The following ADAMTSL1 variants were observed in gnomAD, a reference collection of about 807,000 sequenced individuals.
ADAMTSL1 encodes ADAMTS like 1.
A neutral mutation model predicts 201.8 loss-of-function variants in ADAMTSL1; 126 were observed. That is an observed-to-expected ratio of 0.62 (90% CI 0.54 to 0.72). The LOEUF (loss-of-function observed/expected upper bound fraction) is 0.72. Ranked by LOEUF, ADAMTSL1 falls within the 30% of genes least tolerant of loss-of-function variation. The probability of loss-of-function intolerance (pLI) is 0.00; values close to 1 mark genes in which losing one functional copy is unlikely to be tolerated. For synonymous variants in ADAMTSL1, 1,121 were observed against 903.4 expected (o/e 1.24, Z -4.32); for missense variants, 2,679 against 2,277.8 (o/e 1.18, Z -3.59).
At chr9:18,134,140 C>T (rs1587128874) in intron 1 of ADAMTSL1, among the ~76,000 whole-genome samples, 3 of 152,280 alleles carry the variant, frequency 2.0e-5, no homozygotes, top group Admixed American at 2.0e-4. Context: ...CAGTGCAATT[C>T]TGGTCATTTA....
chr9:18,370,928 T>A (rs529210122), intron 2 of ADAMTSL1, among the ~76,000 whole-genome samples: 6 of 152,156 alleles, frequency 3.9e-5, no homozygotes, highest in Non-Finnish European at 8.8e-5. Flanking sequence ...CTAGATGTAG[T>A]CATTTTAAAT....
chr9:18,251,048 C>G (rs1011956393), intron 2 of ADAMTSL1, among the ~76,000 whole-genome samples: 3 of 151,942 alleles, frequency 2.0e-5, no homozygotes, highest in African/African-American at 7.3e-5. Flanking sequence ...AGAAACAGCA[C>G]AGAACTGTCA....
intron 19 of ADAMTSL1, among the ~76,000 whole-genome samples, chr9:18,787,351 A>G (rs949128553): frequency 6.6e-6 from 1 of 152,194 alleles, no homozygotes; most frequent in Non-Finnish European, 1.5e-5. Context: ...GCAGGTGAAG[A>G]GCACTGGAGG....
intron 23 of ADAMTSL1, among the ~76,000 whole-genome samples, chr9:18,843,101 C>A (rs576765435): frequency 6.6e-6 from 1 of 151,052 alleles, no homozygotes; most frequent in Admixed American, 6.6e-5. Flanking sequence ...TTATTTTGCT[C>A]GTTAGTTGAT....
intron 2 of ADAMTSL1, among the ~76,000 whole-genome samples, chr9:18,450,681 T>A (rs2131669401): frequency 6.6e-6 from 1 of 151,968 alleles, no homozygotes; most frequent in South Asian, 2.1e-4. Flanking sequence ...AGTAAGTTAA[T>A]CCCCTTTACC....
intron 3 of ADAMTSL1, among the ~76,000 whole-genome samples, chr9:18,568,484 G>T (rs1299940833): frequency 6.6e-6 from 1 of 152,086 alleles, no homozygotes. Context: ...ATATTTTGAG[G>T]GTAAAACAAC....
intron 2 of ADAMTSL1, among the ~76,000 whole-genome samples, chr9:18,202,385 A>C (rs977117341): frequency 8.5e-5 from 13 of 152,368 alleles, no homozygotes; most frequent in Admixed American, 2.6e-4. Context: ...TTCAGACAGT[A>C]GTTAATGTTC....
chr9:18,899,141 T>C (rs549990244), intron 26 of ADAMTSL1, among the ~76,000 whole-genome samples: 5 of 152,266 alleles, frequency 3.3e-5, no homozygotes, highest in Admixed American at 3.3e-4. Context: ...CTGGCATTCC[T>C]ATACACCAAC....
intron 3 of ADAMTSL1, among the ~76,000 whole-genome samples, chr9:18,540,175 G>T (rs550682584): frequency 1.7e-4 from 26 of 152,260 alleles, no homozygotes; most frequent in Non-Finnish European, 3.1e-4. Context: ...GATTTACCAG[G>T]TCTCAGGCAC....
intron 23 of ADAMTSL1, among the ~76,000 whole-genome samples, chr9:18,880,025 C>G (rs1828430155): frequency 6.6e-6 from 1 of 152,200 alleles, no homozygotes; most frequent in Non-Finnish European, 1.5e-5. Flanking sequence ...CTTTGCTCAT[C>G]CGTAAAAAGC....
rs112143420 is a variant in ADAMTSL1, at chr9:18,352,578, T to C, written c.208-152251T>C. On this transcript the variant is annotated intron_variant, in intron 2 of 29. Coordinates refer to the ADAMTSL1 transcript ENST00000680146. ...AATTTCCTTTCTATCCCAGTGTTAA[T>C]GATAATTGTATGTGTATGTGTTCAT... is the stretch of plus-strand genomic sequence containing the variant. 7.9e-5 allele frequency among the ~76,000 whole-genome samples: 12 copies of C among 152,308 alleles called. 1 individual carries two copies. The highest frequency in any genetic ancestry group is 2.6e-4 in the African/African-American group (11 of 41,570).
chr9:18,584,385 G>A (rs938656294), intron 4 of ADAMTSL1, among the ~76,000 whole-genome samples: 2 of 151,982 alleles, frequency 1.3e-5, no homozygotes, highest in Non-Finnish European at 2.9e-5. Flanking sequence ...CAGCCACATG[G>A]AACTGTAAGT....
In ADAMTSL1 at chr9:18,910,806, T is replaced by G. The variant is rs1394103654; in HGVS notation, c.*2258T>G. 6.6e-6 allele frequency: 1 copy of G among 152,172 alleles called. No individual in the cohort carries two copies. Among genetic ancestry groups the G allele is most frequent in the African/African-American group, 2.4e-5 (1 of 41,440 alleles). The allele number at this position is 152,172 out of a possible 1,614,324, so 9.4% of individuals were successfully genotyped here. A position where few individuals can be genotyped will look rare whatever the true frequency, so the allele number is the denominator to read the frequency against. On this transcript the variant is annotated 3_prime_UTR_variant, in exon 29 of 29. Transcript: ENST00000380548. ...CTCGTTGCATGAAATGAATGTACATTTAATGTTTGTTCTGTGAATTGCAAC... is the reference window on the plus strand; with the variant it reads ...CTCGTTGCATGAAATGAATGTACATGTAATGTTTGTTCTGTGAATTGCAAC...
intron 4 of ADAMTSL1, among the ~76,000 whole-genome samples, chr9:18,608,889 T>C (rs1011536193): frequency 2.0e-5 from 3 of 151,560 alleles, no homozygotes; most frequent in African/African-American, 7.3e-5. Context: ...ACTGATTTGC[T>C]TTTGGCTTAT....
intron 7 of ADAMTSL1, among the ~76,000 whole-genome samples, chr9:18,649,743 C>G (rs1828084952): frequency 6.6e-6 from 1 of 152,114 alleles, no homozygotes; most frequent in Non-Finnish European, 1.5e-5. Context: ...GATCGTTCCT[C>G]TGGAAGTTTT....
intron 4 of ADAMTSL1, among the ~76,000 whole-genome samples, chr9:18,599,065 C>T (rs1276555250): frequency 6.6e-6 from 1 of 152,078 alleles, no homozygotes; most frequent in African/African-American, 2.4e-5. Flanking sequence ...ACTTCTGAGG[C>T]AGAAATCTCA....
intron 13 of ADAMTSL1, among the ~76,000 whole-genome samples, chr9:18,695,355 C>T (rs1012903029): frequency 6.6e-6 from 1 of 152,236 alleles, no homozygotes; most frequent in African/African-American, 2.4e-5. Context: ...CTGTAGCTAG[C>T]TTGAATTCCT....
At chr9:17,965,935 G>C (rs1013550712) in intron 1 of ADAMTSL1, among the ~76,000 whole-genome samples, 3 of 152,164 alleles carry the variant, frequency 2.0e-5, no homozygotes, top group African/African-American at 7.2e-5. Flanking sequence ...ACTATGGCCT[G>C]TTCCAATCAC....
chr9:18,382,949 C>G (rs1393184028), intron 2 of ADAMTSL1, among the ~76,000 whole-genome samples: 1 of 152,114 alleles, frequency 6.6e-6, no homozygotes, highest in Non-Finnish European at 1.5e-5. Context: ...AGTAAGATCG[C>G]ACTGAAACAG....
Sources: allele counts gnomAD v4.1 joint callset (sites outside exome capture counted in the v4.1 genomes callset), GRCh38; gene constraint gnomAD v4.1.1; transcripts MANE v1.5; gene names NCBI Gene and HGNC (gene_info 2026-07-23, HGNC 2026-07-21).